The following DNAJC5B variants were observed in gnomAD, a reference collection of about 807,000 sequenced individuals.
DNAJC5B encodes DnaJ heat shock protein family (Hsp40) member C5 beta, also known as dnaJ homolog subfamily C member 5B.
DNAJC5B carries 23 observed loss-of-function variants against 24.7 expected under a neutral mutation model. The observed-to-expected ratio is 0.93, with a 90% confidence interval of 0.67 to 1.32. DNAJC5B has a LOEUF of 1.32. Ranked by LOEUF, DNAJC5B falls within the 40% of genes most tolerant of loss-of-function variation. The probability of loss-of-function intolerance (pLI) is 0.00; values close to 1 mark genes in which losing one functional copy is unlikely to be tolerated. For synonymous variants in DNAJC5B, 101 were observed against 90.1 expected, an observed-to-expected ratio of 1.12 and a Z score of -0.68; for missense variants, 238 against 240.8, an observed-to-expected ratio of 0.99 and a Z score of 0.08.
chr8:66,084,110 GT>G (rs1237540197), intron 5 of DNAJC5B, among the ~76,000 whole-genome samples: 1 of 152,144 alleles, frequency 6.6e-6, no homozygotes, highest in African/African-American at 2.4e-5. Flanking sequence ...AGTTGTATTA[GT>G]TAGATTCACG....
intron 1 of DNAJC5B, among the ~76,000 whole-genome samples, chr8:66,033,770 C>CTTTTTTTTT (rs765814272): frequency 9.5e-6 from 1 of 105,392 alleles, no homozygotes; most frequent in Non-Finnish European, 1.8e-5. Flanking sequence ...GATCATTCCG[C>CTTTTTTTTT]TTTTTTTTTT....
chr8:66,024,059 A>G (rs572339980), intron 1 of DNAJC5B, among the ~76,000 whole-genome samples: 2 of 152,372 alleles, frequency 1.3e-5, no homozygotes, highest in South Asian at 4.1e-4. Flanking sequence ...CGCCATCATT[A>G]ACCTTAGAGA....
Position 66,080,382 on chromosome 8 carries a change from G to C in DNAJC5B, c.339G>C (p.Leu113=), listed in dbSNP as rs746313110. 6.2e-7 allele frequency: 1 copy of C among 1,612,126 alleles called. No individual in the cohort carries two copies. Among genetic ancestry groups the C allele is most frequent in the Non-Finnish European group, 8.5e-7 (1 of 1,179,168 alleles). ...FMLSSWWAKA[L]FVIVGLLTGC... is the part of the protein sequence containing the mutation. ...CTTTACCTCTGTTTCCCTAGGCCCT[G>C]TTTGTCATCGTTGGCCTCTTGACGG... The change falls in exon 5 of 6, where the codon CTG becomes CTC. Residue 113 remains leucine, a synonymous_variant. Coordinates refer to ENST00000276570, the MANE Select transcript of DNAJC5B (RefSeq NM_033105.6).
At chr8:66,097,164 T>A (rs1807970844) in intron 5 of DNAJC5B, among the ~76,000 whole-genome samples, 1 of 151,962 alleles carries the variant, frequency 6.6e-6, no homozygotes, top group South Asian at 2.1e-4. Flanking sequence ...TTTTTATCAT[T>A]ATATTTATCA....
intron 3 of DNAJC5B, among the ~76,000 whole-genome samples, chr8:66,063,661 C>T (rs1322625647): frequency 6.6e-6 from 1 of 152,206 alleles, no homozygotes; most frequent in African/African-American, 2.4e-5. Flanking sequence ...CAATCTCAGT[C>T]ATTCCTAGGT....
In DNAJC5B at chr8:66,100,171, T is replaced by G; in HGVS notation, c.*140T>G. The G allele has an allele frequency of 1.5e-6, 1 of 658,712 alleles. No individual in the cohort carries two copies. The highest frequency in any genetic ancestry group is 2.5e-6 in the Non-Finnish European group (1 of 399,636). 40.8% of individuals were successfully genotyped at this position (658,712 alleles called of 1,614,324 possible). A position where few individuals can be genotyped will look rare whatever the true frequency, so the allele number is the denominator to read the frequency against. On this transcript the variant is annotated 3_prime_UTR_variant, in exon 6 of 6. Transcript: ENST00000276570. ...TATTTTTGGGTTAGGAAAACATGAT[T>G]GCTATATAATTTTCTCAGTATGCAG...
At chr8:66,067,980 G>C (rs1807258443) in intron 3 of DNAJC5B, among the ~76,000 whole-genome samples, 1 of 152,172 alleles carries the variant, frequency 6.6e-6, no homozygotes, top group South Asian at 2.1e-4. Context: ...GTCTTGTATG[G>C]ACTGCAACTG....
At chr8:66,089,967 C>A (rs1003427534) in intron 5 of DNAJC5B, among the ~76,000 whole-genome samples, 2 of 152,082 alleles carry the variant, frequency 1.3e-5, no homozygotes, top group Non-Finnish European at 2.9e-5. Flanking sequence ...TTGGGGGAAC[C>A]CTTCCCCAGT....
chr8:66,091,010 A>C (rs909327322), intron 5 of DNAJC5B, among the ~76,000 whole-genome samples: 1 of 152,218 alleles, frequency 6.6e-6, no homozygotes, highest in East Asian at 1.9e-4. Flanking sequence ...TGCTCCCCCA[A>C]AAAGCAGCTC....
upstream of DNAJC5B, among the ~76,000 whole-genome samples, chr8:66,019,779 C>A (rs1563579512): frequency 6.6e-6 from 1 of 152,164 alleles, no homozygotes; most frequent in Non-Finnish European, 1.5e-5. Flanking sequence ...TTTTCCAATG[C>A]TGAGCTTTAT....
At chr8:66,023,636 T>A in intron 1 of DNAJC5B, among the ~76,000 whole-genome samples, 1 of 152,334 alleles carries the variant, frequency 6.6e-6, no homozygotes, top group Non-Finnish European at 1.5e-5. Context: ...TGTGTGTGTA[T>A]ACCCTTGAAT....
At position 66,073,139 on chromosome 8, in the gene DNAJC5B, A is replaced by G. The variant is rs140682885; in HGVS notation, c.120-3521A>G. ...TTGTCTATGTAGAAAATTTAAAAGA[A>G]TTTATAATTTAATAAAATTTGGACA... On this transcript the variant is annotated intron_variant, in intron 3 of 5. Transcript: ENST00000276570. 3.7e-3 allele frequency among the ~76,000 whole-genome samples: 558 copies of G among 152,262 alleles called. 4 individuals are homozygous for G. Among genetic ancestry groups the G allele is most frequent in the African/African-American group, 0.013 (534 of 41,568 alleles).
At position 66,049,617 on chromosome 8, in the gene DNAJC5B, C is replaced by A. The variant is rs1490990346; in HGVS notation, c.-17-1914C>A. 2.0e-5 allele frequency among the ~76,000 whole-genome samples: 3 copies of A among 152,158 alleles called. No homozygotes were observed. The East Asian group carries it at 5.8e-4, about 29-fold the overall frequency. The stretch of plus-strand genomic sequence containing the variant: ...TGTGATGTTCACACAATGATAAAAT[C>A]CCCTAAAGATGCATTTCTCGGAACA... On this transcript the variant is annotated intron_variant, in intron 2 of 5. Transcript: ENST00000276570.
intron 4 of DNAJC5B, among the ~76,000 whole-genome samples, chr8:66,077,997 A>G: frequency 6.6e-6 from 1 of 151,896 alleles, no homozygotes; most frequent in East Asian, 1.9e-4. Flanking sequence ...CAATAGATTG[A>G]ACGTTCATAG....
At chr8:66,086,985 A>C (rs1807740698) in intron 5 of DNAJC5B, among the ~76,000 whole-genome samples, 1 of 152,188 alleles carries the variant, frequency 6.6e-6, no homozygotes, top group Non-Finnish European at 1.5e-5. Context: ...CTAAAAAATA[A>C]GAGAAAGGAA....
intron 5 of DNAJC5B, among the ~76,000 whole-genome samples, chr8:66,085,089 A>G (rs1440345307): frequency 1.3e-5 from 2 of 151,976 alleles, no homozygotes; most frequent in East Asian, 1.9e-4. Flanking sequence ...TATCCTCTAC[A>G]TGGTCTCTAC....
upstream of DNAJC5B, among the ~76,000 whole-genome samples, chr8:66,019,005 G>A (rs1293688574): frequency 1.3e-5 from 2 of 152,182 alleles, no homozygotes; most frequent in South Asian, 2.1e-4. Flanking sequence ...GTGTGCTCCA[G>A]GTGTGAGGCT....
rs749368596 is a variant in DNAJC5B, at chr8:66,076,840, C to T, written c.300C>T (p.Asn100=). The T allele has an allele frequency of 6.2e-7, 1 of 1,614,150 alleles. No homozygotes were observed. Among genetic ancestry groups the T allele is most frequent in the Non-Finnish European group, 8.5e-7 (1 of 1,180,008 alleles). Residue 100 remains asparagine (N), a synonymous_variant, in exon 4 of 6, where the codon AAC becomes AAT. Coordinates refer to ENST00000276570, the MANE Select transcript of DNAJC5B (RefSeq NM_033105.6). ...AGCAGTTTGGAGACGAAAACGTTAACACCTACTTCATGCTGTCGAGCTGGT... is the reference window on the plus strand; with the variant it reads ...AGCAGTTTGGAGACGAAAACGTTAATACCTACTTCATGCTGTCGAGCTGGT... ...VAEQFGDENV[N]TYFMLSSWWA...
chr8:66,064,938 G>A (rs1395227464), intron 3 of DNAJC5B, among the ~76,000 whole-genome samples: 1 of 152,148 alleles, frequency 6.6e-6, no homozygotes, highest in Non-Finnish European at 1.5e-5. Flanking sequence ...AAACTGTAGT[G>A]ACCAGAAAGC....
Sources: allele counts gnomAD v4.1 joint callset (sites outside exome capture counted in the v4.1 genomes callset), GRCh38; gene constraint gnomAD v4.1.1; transcripts MANE v1.5; gene names NCBI Gene and HGNC (gene_info 2026-07-23, HGNC 2026-07-21).